Variants in PCDHGA9 observed in about 807,000 individuals in gnomAD.
PCDHGA9 encodes the protein protocadherin gamma-A9.
In PCDHGA9, 37 loss-of-function variants were observed where a neutral mutation model predicts 62.5. The ratio of observed to expected loss-of-function variants is 0.59; its 90% confidence interval spans 0.46 to 0.78. PCDHGA9 has a LOEUF of 0.78. PCDHGA9 is among the 30% of genes least tolerant of loss of function. The pLI is 0.00. For missense variants in PCDHGA9, 1,138 were observed against 1,166.2 expected, an observed-to-expected ratio of 0.98 and a Z score of 0.35; for synonymous variants, 459 against 484.6, an observed-to-expected ratio of 0.95 and a Z score of 0.69.
chr5:141,508,725 G>C (rs1447443196), intron 3 of PCDHGA9, among the ~76,000 whole-genome samples: 1 of 151,788 alleles, frequency 6.6e-6, no homozygotes, highest in Non-Finnish European at 1.5e-5. Flanking sequence ...TGTGCAGGGA[G>C]ACTACACCCC....
Position 141,403,638 on chromosome 5 carries a change from A to C in PCDHGA9, c.686A>C (p.His229Pro). 1 of 1,613,906 alleles carries C rather than the reference A, an allele frequency of 6.2e-7. No homozygotes were observed. The highest frequency in any genetic ancestry group is 2.2e-5 in the East Asian group (1 of 44,846). ...CGTCGCTCCAGCACAGTGCGCATCC[A>C]TGTGACAGTGTTGGATACAAATGAT... ...EPRRSSTVRIHVTVLDTNDNA... is the reference protein window; with the variant it reads ...EPRRSSTVRIPVTVLDTNDNA... The change falls in exon 1 of 4, where the codon CAT (histidine) becomes CCT (proline). Residue 229 changes from histidine (H) to proline (P), a missense_variant. Coordinates refer to ENST00000573521, the MANE Select transcript of PCDHGA9 (RefSeq NM_018921.3).
chr5:141,493,694 G>A lies in PCDHGA9; in HGVS notation c.2425-1113G>A, dbSNP rs929897875. On this transcript the variant is annotated intron_variant, in intron 1 of 3. Transcript: ENST00000573521. This position sits in a 1 kb window ranked among gnomAD's most constrained non-coding sequence, Gnocchi z 4.3. ...CCCCAGAATGGTGCTGGTGACTCCC[G>A]ATACACCTGGAATGCTAGGTTTCTG... Among the ~76,000 whole-genome samples the A allele has an allele frequency of 5.9e-5, 9 of 152,130 alleles. No individual in the cohort carries two copies. Among genetic ancestry groups the A allele is most frequent in the African/African-American group, 9.7e-5 (4 of 41,404 alleles).
At chr5:141,415,540 T>C (rs1202920204) in intron 1 of PCDHGA9, 9 of 1,614,184 alleles carry the variant, frequency 5.6e-6, no homozygotes, top group Non-Finnish European at 7.6e-6. Context: ...CCAGGAGAGC[T>C]GTGAGAAAAA....
Position 141,477,100 on chromosome 5 carries a change from C to T in PCDHGA9, c.2425-17707C>T, listed in dbSNP as rs970613825. Reference sequence around the variant, plus strand: ...TTTACATCCAGGCCAAAGACAAGGGCGCCAATCCCGAAGGAGCACATTGCA... The same window carrying T: ...TTTACATCCAGGCCAAAGACAAGGGTGCCAATCCCGAAGGAGCACATTGCA... On this transcript the variant is annotated intron_variant, in intron 1 of 3. Transcript: ENST00000573521. The surrounding 1 kb of genome is among the most constrained non-coding windows in gnomAD (Gnocchi z 4.9). 1 of 1,614,098 alleles carries T rather than the reference C, an allele frequency of 6.2e-7. No homozygotes were observed. Among genetic ancestry groups the T allele is most frequent in the African/African-American group, 1.3e-5 (1 of 74,932 alleles).
chr5:141,465,777 C>G (rs2099109055), intron 1 of PCDHGA9, among the ~76,000 whole-genome samples: 2 of 151,768 alleles, frequency 1.3e-5, no homozygotes, highest in African/African-American at 2.4e-5. Flanking sequence ...TCTCTTGTTA[C>G]AGTTTTTTTT....
intron 1 of PCDHGA9, chr5:141,410,627 TTC>T: frequency 6.2e-7 from 1 of 1,602,046 alleles, no homozygotes; most frequent in Admixed American, 1.7e-5. Flanking sequence ...TTCGGTGAGT[TTC>T]TCTTTTTTGT....
intron 1 of PCDHGA9, among the ~76,000 whole-genome samples, chr5:141,465,335 T>C (rs1222292569): frequency 6.6e-6 from 1 of 152,186 alleles, no homozygotes; most frequent in African/African-American, 2.4e-5. Context: ...ATTTTTTATA[T>C]TGGTTACTGA....
chr5:141,507,151 G>C (rs1423834553), intron 3 of PCDHGA9: 2 of 152,192 alleles, frequency 1.3e-5, no homozygotes, highest in African/African-American at 4.8e-5. Context: ...TATTACCTGA[G>C]CAGGATGAGA....
Position 141,477,656 on chromosome 5 carries a change from C to T in PCDHGA9, c.2425-17151C>T, listed in dbSNP as rs755621234. The T allele has an allele frequency of 1.9e-6, 3 of 1,614,184 alleles. No homozygotes were observed. The South Asian group carries it at 3.3e-5, about 18-fold the overall frequency. ...AGTGGGTCGCTATTTCACAATAAATCGTGACAATGGCATAGTGTCATCCTT... is the reference window on the plus strand; with the variant it reads ...AGTGGGTCGCTATTTCACAATAAATTGTGACAATGGCATAGTGTCATCCTT... On this transcript the variant is annotated intron_variant, in intron 1 of 3. Transcript: ENST00000573521. The surrounding 1 kb of genome is among the most constrained non-coding windows in gnomAD (Gnocchi z 4.9).
intron 1 of PCDHGA9, among the ~76,000 whole-genome samples, chr5:141,450,335 T>A (rs1054670037): frequency 1.3e-5 from 2 of 152,158 alleles, no homozygotes; most frequent in African/African-American, 4.8e-5. Context: ...CTCTTTAATC[T>A]ACTTTAATCT....
At position 141,422,169 on chromosome 5, in the gene PCDHGA9, A is replaced by G. The variant is rs1386896405; in HGVS notation, c.2424+16793A>G. 2.6e-6 allele frequency: 4 copies of G among 1,563,898 alleles called. No homozygotes were observed. In the South Asian group the frequency reaches 4.9e-5, roughly 19 times the overall value. On this transcript the variant is annotated intron_variant, in intron 1 of 3. Coordinates refer to ENST00000573521, the MANE Select transcript of PCDHGA9 (RefSeq NM_018921.3). ...GGTCTCTGGATTTTGAAAAATATAG[A>G]TTCTATGAGATGGAAATTCAAGGCC...
At chr5:141,474,002 G>A (rs1020912365) in intron 1 of PCDHGA9, among the ~76,000 whole-genome samples, 5 of 152,078 alleles carry the variant, frequency 3.3e-5, no homozygotes, top group Non-Finnish European at 5.9e-5. Context: ...CCAAGGAGCT[G>A]GAAGTTACAG....
intron 1 of PCDHGA9, chr5:141,409,553 G>T: frequency 6.2e-7 from 1 of 1,613,972 alleles, no homozygotes; most frequent in Non-Finnish European, 8.5e-7. Context: ...CAACGCCCCA[G>T]TTTTCGACCA....
At position 141,485,320 on chromosome 5, in the gene PCDHGA9, T is replaced by G; in HGVS notation, c.2425-9487T>G. The G allele has an allele frequency of 6.2e-7, 1 of 1,614,114 alleles. No individual in the cohort carries two copies. The highest frequency in any genetic ancestry group is 8.5e-7 in the Non-Finnish European group (1 of 1,180,018). ...AAGGGACTTTTGTAGGGAATGTCGC[T>G]CAAGATTTCCTGCTGGATACGGACA... is the stretch of plus-strand genomic sequence containing the variant. On this transcript the variant is annotated intron_variant, in intron 1 of 3. Transcript: ENST00000573521. The surrounding 1 kb of genome is among the most constrained non-coding windows in gnomAD (Gnocchi z 5.7).
At chr5:141,419,521 C>A (rs1418329404) in intron 1 of PCDHGA9, 1 of 1,612,240 alleles carries the variant, frequency 6.2e-7, no homozygotes, top group Non-Finnish European at 8.5e-7. Context: ...TGGTGGGCGA[C>A]CGTAACGACA....
chr5:141,436,590 C>T (rs1050788291), intron 1 of PCDHGA9, among the ~76,000 whole-genome samples: 10 of 152,102 alleles, frequency 6.6e-5, no homozygotes, highest in East Asian at 1.9e-4. Context: ...TTTGAAAGGT[C>T]GTGGTGATGG....
rs750401937 is a variant in PCDHGA9 at position 141,487,357 on chromosome 5, T to G, written c.2425-7450T>G. 5.0e-6 allele frequency: 8 copies of G among 1,614,212 alleles called. No homozygotes were observed. The highest frequency in any genetic ancestry group is 6.8e-6 in the Non-Finnish European group (8 of 1,180,032). ...CCTGTGGAGTCACATGCTTTCCTGC[T>G]GGCACCTGTGCCTGTCTCACCAGAT... On this transcript the variant is annotated intron_variant, in intron 1 of 3. Transcript: ENST00000573521. This position sits in a 1 kb window ranked among gnomAD's most constrained non-coding sequence, Gnocchi z 5.0.
In PCDHGA9 at chr5:141,403,920, A is replaced by T. The variant is rs1470961343; in HGVS notation, c.968A>T (p.Asp323Val). 8.1e-6 allele frequency: 13 copies of T among 1,613,904 alleles called. No homozygotes were observed. Among genetic ancestry groups the T allele is most frequent in the Non-Finnish European group, 1.1e-5 (13 of 1,179,882 alleles). Residue 323 changes from aspartate (D) to valine (V), a missense_variant, in exon 1 of 4, where the codon GAT (aspartate) becomes GTT (valine). Transcript: ENST00000573521. ...SFYEMEIQAE[D>V]GGGLKGWTKV... ...TATGAAATGGAAATACAAGCTGAAG[A>T]TGGTGGGGGATTGAAAGGGTGGACA...
At chr5:141,418,095 C>A (rs1246996867) in intron 1 of PCDHGA9, 1 of 1,614,006 alleles carries the variant, frequency 6.2e-7, no homozygotes, top group Middle Eastern at 1.7e-4. Context: ...AGCGTAGACG[C>A]GCAGAGCGGG....
Sources: gnomAD v4.1 joint callset for allele counts (sites outside exome capture counted in the v4.1 genomes callset) on GRCh38, gnomAD v4.1.1 for gene constraint, Gnocchi (gnomAD v3.1) non-coding constraint, MANE v1.5 for transcripts, NCBI Gene and HGNC (gene_info 2026-07-23, HGNC 2026-07-21) for gene names.